Variants in DPP6 observed in about 807,000 individuals in gnomAD.
The protein encoded by DPP6 is A-type potassium channel modulatory protein DPP6.
DPP6 carries 69 observed loss-of-function variants against 122.6 expected under a neutral mutation model. The observed-to-expected ratio is 0.56, with a 90% CI of 0.46 to 0.69. The LOEUF (loss-of-function observed/expected upper bound fraction) is 0.69, where lower values mean the gene tolerates loss of function less well. Ranked by LOEUF, DPP6 falls within the 30% of genes least tolerant of loss-of-function variation. The pLI, the probability that DPP6 is intolerant of heterozygous loss-of-function variation, is 0.00. For missense variants in DPP6, 928 were observed against 1,116.9 expected, an observed-to-expected ratio of 0.83 and a Z score of 2.41; for synonymous variants, 418 against 433.1, an observed-to-expected ratio of 0.97 and a Z score of 0.43.
At chr7:154,140,109 T>C (rs1252954755) in intron 1 of DPP6, among the ~76,000 whole-genome samples, 1 of 152,194 alleles carries the variant, frequency 6.6e-6, no homozygotes, top group Non-Finnish European at 1.5e-5. Context: ...CCTGCTTCTA[T>C]CCAGCCCCTA....
intron 6 of DPP6, among the ~76,000 whole-genome samples, chr7:154,643,187 C>T (rs1586795044): frequency 6.6e-6 from 1 of 152,222 alleles, no homozygotes; most frequent in East Asian, 1.9e-4. Context: ...TAATTTCCCT[C>T]TTAAAAGAAG....
intron 1 of DPP6, among the ~76,000 whole-genome samples, chr7:154,305,780 C>A (rs956472054): frequency 1.3e-5 from 2 of 152,188 alleles, no homozygotes; most frequent in South Asian, 4.2e-4. Context: ...TGGCTTCTCT[C>A]TCTAAAGGGC....
At chr7:154,566,339 T>G (rs1338554829) in intron 4 of DPP6, among the ~76,000 whole-genome samples, 3 of 152,192 alleles carry the variant, frequency 2.0e-5, no homozygotes, top group Non-Finnish European at 4.4e-5. Context: ...TGGAGTGCAA[T>G]GGCCCAATCT....
In DPP6 at chr7:154,259,442, G is replaced by T. The variant is rs181889873; in HGVS notation, c.244-186772G>T. On this transcript the variant is annotated intron_variant, in intron 1 of 25. Coordinates refer to ENST00000377770, the MANE Select transcript of DPP6 (RefSeq NM_130797.4). ...TTTTGGAAAGGGAGGGGCCGCTGGG[G>T]CAGTCAAAGAAGTTTGTTGCAAGAG... Among the ~76,000 whole-genome samples, 81 of 152,302 alleles carry T rather than the reference G, an allele frequency of 5.3e-4. 1 individual carries two copies. The highest frequency in any genetic ancestry group is 1.0e-3 in the Non-Finnish European group (68 of 68,022).
chr7:154,777,939 A>G (rs1241203971), intron 10 of DPP6, among the ~76,000 whole-genome samples: 1 of 152,158 alleles, frequency 6.6e-6, no homozygotes, highest in Non-Finnish European at 1.5e-5. Flanking sequence ...CCAAGCACCA[A>G]GGATTTAGAT....
chr7:154,169,330 G>A (rs1234244557), intron 1 of DPP6, among the ~76,000 whole-genome samples: 1 of 152,116 alleles, frequency 6.6e-6, no homozygotes, highest in Non-Finnish European at 1.5e-5. Flanking sequence ...ATGGTGGTGG[G>A]CGGGGTGGGG....
chr7:154,128,357 G>T (rs1234853674), intron 1 of DPP6, among the ~76,000 whole-genome samples: 3 of 152,190 alleles, frequency 2.0e-5, no homozygotes, highest in Non-Finnish European at 4.4e-5. Flanking sequence ...AGATGGGAGG[G>T]TCACTTGAGC....
intron 6 of DPP6, among the ~76,000 whole-genome samples, chr7:154,646,327 C>G (rs374620877): frequency 2.0e-5 from 3 of 152,160 alleles, no homozygotes; most frequent in East Asian, 1.9e-4. Context: ...AATCACATCA[C>G]GCAATGTGTC....
At chr7:154,494,449 C>A (rs1824550309) in intron 3 of DPP6, among the ~76,000 whole-genome samples, 1 of 149,668 alleles carries the variant, frequency 6.7e-6, no homozygotes, top group Non-Finnish European at 1.5e-5. Context: ...ACTTGTAAGC[C>A]TCAGTAGTTT....
chr7:154,228,935 A>G (rs1318008768), intron 1 of DPP6, among the ~76,000 whole-genome samples: 1 of 152,178 alleles, frequency 6.6e-6, no homozygotes, highest in African/African-American at 2.4e-5. Flanking sequence ...AAAGAGGTCA[A>G]ATGGAGCCAA....
intron 17 of DPP6, among the ~76,000 whole-genome samples, chr7:154,854,270 G>A (rs1356239161): frequency 6.6e-6 from 1 of 152,218 alleles, no homozygotes; most frequent in African/African-American, 2.4e-5. Flanking sequence ...CAGGATATCA[G>A]AGAAAAACTT....
intron 8 of DPP6, among the ~76,000 whole-genome samples, chr7:154,764,392 C>T (rs75523761): frequency 0.016 from 2,367 of 152,240 alleles, 54 homozygotes; most frequent in African/African-American, 0.054. Flanking sequence ...GAAAGAGAGG[C>T]GGTGGTCATA....
intron 1 of DPP6, among the ~76,000 whole-genome samples, chr7:154,113,764 T>C (rs1283745780): frequency 6.6e-6 from 1 of 152,252 alleles, no homozygotes; most frequent in Non-Finnish European, 1.5e-5. Flanking sequence ...GTTTTTTATG[T>C]ACAGCATAAG....
intron 1 of DPP6, among the ~76,000 whole-genome samples, chr7:153,915,865 T>C (rs900856465): frequency 1.3e-5 from 2 of 152,198 alleles, no homozygotes; most frequent in African/African-American, 4.8e-5. Flanking sequence ...GATTAATACT[T>C]CAGAATCTGA....
chr7:154,380,443 G>T (rs1369162630), intron 1 of DPP6, among the ~76,000 whole-genome samples: 1 of 152,222 alleles, frequency 6.6e-6, no homozygotes, highest in East Asian at 1.9e-4. Flanking sequence ...TACATGAAGT[G>T]CAGACAGGTG....
At chr7:154,231,356 A>T (rs888914200) in intron 1 of DPP6, among the ~76,000 whole-genome samples, 3 of 152,196 alleles carry the variant, frequency 2.0e-5, no homozygotes, top group Non-Finnish European at 4.4e-5. Flanking sequence ...CACGCTGAGC[A>T]TCCCAGTTTT....
intron 1 of DPP6, among the ~76,000 whole-genome samples, chr7:153,902,788 C>G (rs903263520): frequency 6.6e-6 from 1 of 151,848 alleles, no homozygotes; most frequent in Non-Finnish European, 1.5e-5. Context: ...GTGAGCCGAG[C>G]TTACACCATT....
the DPP6 span, among the ~76,000 whole-genome samples, chr7:153,758,480 A>T: frequency 1.1e-4 from 16 of 152,016 alleles, no homozygotes; most frequent in Non-Finnish European, 7.4e-5. Context: ...CCATTCCCAG[A>T]AGGTGCCTCA....
chr7:153,977,996 T>C (rs1375046300), intron 1 of DPP6, among the ~76,000 whole-genome samples: 1 of 152,162 alleles, frequency 6.6e-6, no homozygotes, highest in African/African-American at 2.4e-5. Flanking sequence ...CTATTGTGAA[T>C]AGTGCCACAA....
Sources: allele counts gnomAD v4.1 joint callset (sites outside exome capture counted in the v4.1 genomes callset), GRCh38; gene constraint gnomAD v4.1.1; transcripts MANE v1.5; gene names NCBI Gene and HGNC (gene_info 2026-07-23, HGNC 2026-07-21).